DUS3L: variants seen among roughly 807,000 people sequenced by gnomAD.
The protein encoded by DUS3L is dihydrouridine synthase 3 like.
Under a neutral mutation model 74.6 loss-of-function variants are expected in DUS3L, and 62 were observed. The observed-to-expected ratio is 0.83, with a 90% confidence interval of 0.68 to 1.03. DUS3L has a LOEUF of 1.03. Ranked by LOEUF, DUS3L falls within the 50% of genes least tolerant of loss-of-function variation. The pLI is 0.00. For synonymous variants in DUS3L, 433 were observed against 395.7 expected, an observed-to-expected ratio of 1.09 and a Z score of -1.12; for missense variants, 884 against 924.4, an observed-to-expected ratio of 0.96 and a Z score of 0.57.
In DUS3L at chr19:5,788,339, A is replaced by T. The variant is rs12460267; in HGVS notation, c.942+18T>A. Reference sequence around the variant, plus strand: ...CTGCCACCCTGCCACCCGACCAGCCACCTGACCCAGGTCCTACCGTGGTGA... The same window carrying T: ...CTGCCACCCTGCCACCCGACCAGCCTCCTGACCCAGGTCCTACCGTGGTGA... On this transcript the variant is annotated intron_variant, in intron 4 of 12. Coordinates refer to ENST00000309061, the MANE Select transcript of DUS3L (RefSeq NM_020175.3). The T allele has an allele frequency of 0.058, 93,073 of 1,613,434 alleles. 3,181 individuals are homozygous for T. The highest frequency in any genetic ancestry group is 0.11 in the Admixed American group (6,644 of 59,940).
Position 5,787,056 on chromosome 19 carries a change from C to G in DUS3L, c.1389+5G>C. ...CCCCAATGCCCGAGGCGTCCCAAGA[C>G]CCACCGTGACGAGTGCCACGCCCCA... is the stretch of plus-strand genomic sequence containing the variant. On this transcript the variant is annotated splice_donor_5th_base_variant and intron_variant, in intron 8 of 12. Transcript: ENST00000309061. 6.5e-7 allele frequency: 1 copy of G among 1,541,242 alleles called. No homozygotes were observed. The highest frequency in any genetic ancestry group is 8.7e-7 in the Non-Finnish European group (1 of 1,150,104).
Position 5,789,525 on chromosome 19 carries a change from C to T in DUS3L, c.582G>A (p.Glu194=), listed in dbSNP as rs1243565874. The change falls in exon 3 of 13, where the codon GAG becomes GAA. Residue 194 remains glutamate, a synonymous_variant. Transcript: ENST00000309061. Reference sequence around the variant, plus strand: ...GCTGGGTCCCGCGGGCCGCCAACTCCTCCTGCACCAGGTTCTGTCCCTCGG... The same window carrying T: ...GCTGGGTCCCGCGGGCCGCCAACTCTTCCTGCACCAGGTTCTGTCCCTCGG... ...LRPEGQNLVQ[E]ELAARGTQPP... is the part of the protein sequence containing the mutation. The T allele has an allele frequency of 1.2e-6, 2 of 1,605,106 alleles. No homozygotes were observed. Among genetic ancestry groups the T allele is most frequent in the African/African-American group, 1.3e-5 (1 of 75,012 alleles).
chr19:5,787,359 A>G lies in DUS3L; in HGVS notation c.1215T>C (p.Gly405=), dbSNP rs745734999. Residue 405 remains glycine (G), a splice_region_variant and synonymous_variant, in exon 7 of 13, where the codon GGT becomes GGC. Transcript: ENST00000309061. ...GCPIDLVYKK[G]GGCALMNRST... is the part of the protein sequence containing the mutation. ...AGCGATTCATGAGGGCACAGCCCCC[A>G]CCCTGGAAGAGACAGGCGGGTGGAG... 1 of 1,612,596 alleles carries G rather than the reference A, an allele frequency of 6.2e-7. No homozygotes were observed. Among genetic ancestry groups the G allele is most frequent in the Admixed American group, 1.7e-5 (1 of 59,850 alleles).
At position 5,787,768 on chromosome 19, in the gene DUS3L, C is replaced by T. The variant is rs574537419; in HGVS notation, c.1096-63G>A. 5,043 of 1,568,880 alleles carry T rather than the reference C, an allele frequency of 3.2e-3. 10 individuals carry two copies. The highest frequency in any genetic ancestry group is 3.7e-3 in the Non-Finnish European group (4,267 of 1,148,072). ...AGAGTCCGAACTGTCCCCACTTGGC[C>T]GTTCCCTCCCCACTGGGGGGCCCTG... On this transcript the variant is annotated intron_variant, in intron 5 of 12. Coordinates refer to ENST00000309061, the MANE Select transcript of DUS3L (RefSeq NM_020175.3).
At chr19:5,790,893 G>A (rs1227236273) in intron 1 of DUS3L, 151 bp downstream of exon 1, 16 of 744,726 alleles carry the variant, frequency 2.1e-5, no homozygotes, top group Middle Eastern at 7.8e-4. Context: ...TACCTCCGCT[G>A]ACCACCCTGC....
chr19:5,790,127 C>T lies in DUS3L; in HGVS notation c.307G>A (p.Ala103Thr), dbSNP rs1164617586. Residue 103 changes from alanine (A) to threonine (T), a missense_variant, in exon 2 of 13, where the codon GCC becomes ACC. Physicochemically the swap from Ala to Thr is moderately conservative, Grantham distance 58 (BLOSUM62 0). Transcript: ENST00000309061. The stretch of plus-strand genomic sequence containing the variant: ...GGCCGGCCCTTGTTTTGTCCCCGGG[C>T]CCTCTTCTGAGTCTGTAGCTGCTCC... ...PGEQLQTQKRARGQNKGRPHV... is the reference protein window; with the variant it reads ...PGEQLQTQKRTRGQNKGRPHV... The T allele has an allele frequency of 1.2e-6, 2 of 1,614,060 alleles. No homozygotes were observed. The highest frequency in any genetic ancestry group is 1.7e-6 in the Non-Finnish European group (2 of 1,180,052).
rs148677065 is a variant in DUS3L at position 5,789,010 on chromosome 19, T to C, written c.900+197A>G. 332 of 711,664 alleles carry C rather than the reference T, an allele frequency of 4.7e-4. 2 individuals carry two copies. In the African/African-American group the frequency reaches 6.1e-3, roughly 13 times the overall value. 44.1% of individuals were successfully genotyped at this position (711,664 alleles called of 1,614,324 possible). ...GCGTGAGCCACCGCCCCCGGCCCTGTCCAGCTCTTTCTGTCCCCACCTCCT... is the reference window on the plus strand; with the variant it reads ...GCGTGAGCCACCGCCCCCGGCCCTGCCCAGCTCTTTCTGTCCCCACCTCCT... On this transcript the variant is annotated intron_variant, in intron 3 of 12. Transcript: ENST00000309061.
chr19:5,791,057 G>T lies in DUS3L; in HGVS notation c.85C>A (p.Pro29Thr). Reference protein sequence around the residue: ...GAGALERGVAPIKRQYLTTKE... With the variant: ...GAGALERGVATIKRQYLTTKE... ...CCGGCGACTCACTGACGCTTAATGG[G>T]CGCCACTCCTCGTTCCAAAGCTCCG... Residue 29 changes from proline to threonine, a missense_variant, in exon 1 of 13, where the codon CCC becomes ACC. Pro to Thr is a conservative substitution (Grantham distance 38, BLOSUM62 -1). Coordinates refer to ENST00000309061, the MANE Select transcript of DUS3L (RefSeq NM_020175.3). 1 of 1,603,984 alleles carries T rather than the reference G, an allele frequency of 6.2e-7. No individual in the cohort carries two copies. Among genetic ancestry groups the T allele is most frequent in the Non-Finnish European group, 8.5e-7 (1 of 1,175,758 alleles).
rs757219484 is a variant in DUS3L, at chr19:5,785,452, T to C, written c.1811A>G (p.Tyr604Cys). The change falls in exon 12 of 13, where the codon TAC becomes TGC. Residue 604 changes from tyrosine to cysteine, a missense_variant. Tyr to Cys is a radical substitution (Grantham distance 194). Transcript: ENST00000309061. ...LPQRINERPP[Y>C]YLGRDYLETL... ...CTCCAGGTAGTCGCGGCCCAGGTAGTAGGGCGGCCGCTCGTTGATCCTCTG... is the reference window on the plus strand; with the variant it reads ...CTCCAGGTAGTCGCGGCCCAGGTAGCAGGGCGGCCGCTCGTTGATCCTCTG... 1 of 1,588,052 alleles carries C rather than the reference T, an allele frequency of 6.3e-7. No individual in the cohort carries two copies. The highest frequency in any genetic ancestry group is 1.1e-5 in the South Asian group (1 of 87,860).
intron 9 of DUS3L, 103 bp downstream of exon 9, chr19:5,786,646 T>A: frequency 6.4e-7 from 1 of 1,570,772 alleles, no homozygotes; most frequent in Admixed American, 1.8e-5. Flanking sequence ...GTGGCTCCCA[T>A]CAGGGTGGTA....
rs572765201 is a variant in DUS3L, at chr19:5,786,628, C to G, written c.1487-86G>C. The G allele has an allele frequency of 2.3e-5, 36 of 1,577,282 alleles. No homozygotes were observed. In the East Asian group the frequency reaches 6.8e-4, roughly 30 times the overall value. On this transcript the variant is annotated intron_variant, in intron 9 of 12. Coordinates refer to ENST00000309061, the MANE Select transcript of DUS3L (RefSeq NM_020175.3). ...CTCACCAGCCCTTCAGGAGTTTTGG[C>G]TGACCCAGTGGCTCCCATCAGGGTG...
In DUS3L at chr19:5,790,038, C is replaced by T. The variant is rs761267601; in HGVS notation, c.387+9G>A. On this transcript the variant is annotated intron_variant, in intron 2 of 12. Coordinates refer to ENST00000309061, the MANE Select transcript of DUS3L (RefSeq NM_020175.3). ...GCCCCGGCAGGAATGCTCACGTGGCCGCACTTGCCTGGATTAGGGAGGGAC... is the reference window on the plus strand; with the variant it reads ...GCCCCGGCAGGAATGCTCACGTGGCTGCACTTGCCTGGATTAGGGAGGGAC... The T allele has an allele frequency of 5.0e-6, 8 of 1,609,970 alleles. No individual in the cohort carries two copies. The highest frequency in any genetic ancestry group is 1.7e-5 in the Admixed American group (1 of 59,946).
Position 5,790,251 on chromosome 19 carries a change from G to A in DUS3L, c.183C>T (p.Asp61=). 6.2e-7 allele frequency: 1 copy of A among 1,614,130 alleles called. No homozygotes were observed. The highest frequency in any genetic ancestry group is 8.5e-7 in the Non-Finnish European group (1 of 1,180,028). The change falls in exon 2 of 13, where the codon GAC becomes GAT. Residue 61 remains aspartate, a synonymous_variant. Coordinates refer to ENST00000309061, the MANE Select transcript of DUS3L (RefSeq NM_020175.3). ...EKTCRETEVG[D]PAGNELAEPE... ...GCTCAGCCAGCTCATTGCCAGCAGG[G>A]TCTCCTACCTCGGTTTCCCGGCAAG...
rs2056846456 is a variant in DUS3L, at chr19:5,786,761, TG to T, written c.1473del (p.Met492CysfsTer27). 1 of 1,611,228 alleles carries T rather than the reference TG, an allele frequency of 6.2e-7. No individual in the cohort carries two copies. Among genetic ancestry groups the T allele is most frequent in the African/African-American group, 1.3e-5 (1 of 74,746 alleles). On this transcript the variant is annotated frameshift_variant, in exon 9 of 13. Transcript: ENST00000309061. LOFTEE classifies it high-confidence loss of function. ...CCGGAACACCCACCGAACAGGGGCA[TG>T]GGGCTGGCGGCCTGCACGCACTCCT... ...YIEECVQAASPMPLFGNGDIL... is the reference protein window; with the variant it reads ...YIEECVQAASXMPLFGNGDIL...
chr19:5,788,481 T>G, intron 3 of DUS3L, 83 bp from the exon 4 acceptor site: 2 of 1,512,082 alleles, frequency 1.3e-6, no homozygotes, highest in Non-Finnish European at 1.8e-6. Flanking sequence ...CTACCCACAG[T>G]CTAGGACACA....
chr19:5,788,495 G>C, intron 3 of DUS3L, 97 bp from the exon 4 acceptor site: 1 of 1,413,796 alleles, frequency 7.1e-7, no homozygotes, highest in Non-Finnish European at 9.7e-7. Context: ...GGACACACTT[G>C]GCCCAAATGG....
At position 5,785,465 on chromosome 19, in the gene DUS3L, C is replaced by T. The variant is rs375224330; in HGVS notation, c.1798G>A (p.Glu600Lys). ...LLERLPQRIN[E>K]RPPYYLGRDY... ...CGGCCCAGGTAGTAGGGCGGCCGCT[C>T]GTTGATCCTCTGTGGGAGCCGCTCC... Residue 600 changes from glutamate to lysine, a missense_variant, in exon 12 of 13, where the codon GAG (glutamate) becomes AAG (lysine). Physicochemically the swap from Glu to Lys is moderately conservative, Grantham distance 56 (BLOSUM62 1). Coordinates refer to ENST00000309061, the MANE Select transcript of DUS3L (RefSeq NM_020175.3). 1.1e-5 allele frequency: 17 copies of T among 1,583,646 alleles called. No homozygotes were observed. The highest frequency in any genetic ancestry group is 2.7e-5 in the African/African-American group (2 of 74,388).
intron 3 of DUS3L, 175 bp downstream of exon 3, chr19:5,789,029 ACCT>A: frequency 8.1e-6 from 7 of 859,006 alleles, no homozygotes; most frequent in South Asian, 2.7e-5. Context: ...TTCTGTCCCC[ACCT>A]CCTGAGGGCT....
intron 5 of DUS3L, 46 bp from the exon 6 acceptor site, chr19:5,787,751 A>G (rs753715788): frequency 6.3e-6 from 10 of 1,589,166 alleles, no homozygotes; most frequent in Middle Eastern, 1.7e-4. Flanking sequence ...GGAGAGTCCG[A>G]ACTGTCCCCA....
Sources: gnomAD v4.1 joint callset for allele counts on GRCh38, gnomAD v4.1.1 for gene constraint, MANE v1.5 for transcripts, NCBI Gene and HGNC (gene_info 2026-07-23, HGNC 2026-07-21) for gene names.